SLC22A24: variants seen among roughly 807,000 people sequenced by gnomAD.
SLC22A24 encodes solute carrier family 22 member 24, also known as steroid transmembrane transporter SLC22A24.
SLC22A24 carries 53 observed loss-of-function variants against 49.8 expected under a neutral mutation model. The ratio of observed to expected loss-of-function variants is 1.06; its 90% CI spans 0.85 to 1.34. The LOEUF is 1.34. SLC22A24 is among the 40% of genes most tolerant of loss of function. SLC22A24 has a pLI of 0.00. For synonymous variants in SLC22A24, 302 were observed against 256.4 expected (o/e 1.18, Z -1.70); for missense variants, 786 against 675.9 (o/e 1.16, Z -1.81).
chr11:63,089,694 G>A (rs2087006776), intron 6 of SLC22A24, among the ~76,000 whole-genome samples: 1 of 152,106 alleles, frequency 6.6e-6, no homozygotes, highest in Admixed American at 6.5e-5. Flanking sequence ...AAGGGATGGA[G>A]GAAGATTTAT....
chr11:63,093,985 T>TAA (rs34652388), intron 6 of SLC22A24, among the ~76,000 whole-genome samples: 11 of 151,302 alleles, frequency 7.3e-5, no homozygotes, highest in South Asian at 2.1e-4. Context: ...TTCCTGTATT[T>TAA]AAAAAAAAAT....
intron 1 of SLC22A24, among the ~76,000 whole-genome samples, chr11:63,136,691 G>GT: frequency 6.6e-6 from 1 of 152,328 alleles, no homozygotes; most frequent in Middle Eastern, 3.4e-3. Flanking sequence ...TGGACAAGGT[G>GT]TCTCACCCTT....
chr11:63,098,049 C>G (rs112545435), intron 5 of SLC22A24, among the ~76,000 whole-genome samples: 5,919 of 152,212 alleles, frequency 0.039, 167 homozygotes, highest in Non-Finnish European at 0.063. Flanking sequence ...AACAAACCTG[C>G]ATGTTCTACA....
At position 63,121,431 on chromosome 11, in the gene SLC22A24, T is replaced by A. The variant is rs140726297; in HGVS notation, c.507-2096A>T. 2.0e-5 allele frequency among the ~76,000 whole-genome samples: 3 copies of A among 152,142 alleles called. No individual in the cohort carries two copies. In the East Asian group the frequency reaches 5.8e-4, roughly 29 times the overall value. ...GGAAATGAGAATAGGAAAAAATTGT[T>A]GGGGGATCACTATGAAGAACTATGA... On this transcript the variant is annotated intron_variant, in intron 2 of 9. Transcript: ENST00000612278.
intron 2 of SLC22A24, among the ~76,000 whole-genome samples, chr11:63,123,483 GC>G (rs1246516325): frequency 1.3e-5 from 2 of 151,988 alleles, no homozygotes; most frequent in East Asian, 3.9e-4. Flanking sequence ...ATTGTCTCTA[GC>G]TTTGACCTCT....
chr11:63,143,595 T>C lies in SLC22A24; in HGVS notation c.185A>G (p.Asn62Ser), dbSNP rs1446264442. 1 of 1,574,156 alleles carries C rather than the reference T, an allele frequency of 6.4e-7. No individual in the cohort carries two copies. The highest frequency in any genetic ancestry group is 8.6e-7 in the Non-Finnish European group (1 of 1,161,304). The change falls in exon 1 of 10, where the codon AAT becomes AGT. Residue 62 changes from asparagine to serine, a missense_variant. Asn to Ser is a conservative substitution (Grantham distance 46). Coordinates refer to ENST00000612278, the MANE Select transcript of SLC22A24 (RefSeq NM_001136506.2). ...ATCCTTGCTGAGGGTCCCGGTATCA[T>C]TGTCAGACACAGTGTCATTGTCCAG... ...PLLDNDTVSD[N>S]DTGTLSKDDL...
At chr11:63,099,519 C>G (rs955224667) in intron 5 of SLC22A24, among the ~76,000 whole-genome samples, 3 of 151,072 alleles carry the variant, frequency 2.0e-5, no homozygotes, top group African/African-American at 7.3e-5. Context: ...AGTACTAATC[C>G]TACTCAAACT....
intron 1 of SLC22A24, among the ~76,000 whole-genome samples, chr11:63,136,257 C>G (rs1489648653): frequency 1.3e-5 from 2 of 152,176 alleles, no homozygotes; most frequent in African/African-American, 4.8e-5. Flanking sequence ...AAAAAAAGGT[C>G]ATGGTCACTG....
chr11:63,096,714 G>C (rs548297185), intron 5 of SLC22A24, among the ~76,000 whole-genome samples: 5 of 152,158 alleles, frequency 3.3e-5, no homozygotes, highest in Non-Finnish European at 7.4e-5. Context: ...AGAAGTGAAG[G>C]CAAGGAAAAA....
chr11:63,093,586 G>A (rs951634627), intron 6 of SLC22A24, among the ~76,000 whole-genome samples: 1 of 152,064 alleles, frequency 6.6e-6, no homozygotes, highest in Non-Finnish European at 1.5e-5. Flanking sequence ...GCAAACTAAT[G>A]CAGAAACAGA....
intron 4 of SLC22A24, among the ~76,000 whole-genome samples, chr11:63,112,796 G>T (rs1240007467): frequency 6.6e-6 from 1 of 151,512 alleles, no homozygotes; most frequent in East Asian, 1.9e-4. Context: ...GGTGGATCAC[G>T]AGGTCAGGAG....
In SLC22A24 at chr11:63,083,394, G is replaced by A. The variant is rs766178545; in HGVS notation, c.1134C>T (p.Val378=). 1.3e-6 allele frequency: 2 copies of A among 1,551,558 alleles called. No individual in the cohort carries two copies. The highest frequency in any genetic ancestry group is 2.7e-5 in the African/African-American group (2 of 73,058). The change falls in exon 7 of 10, where the codon GTC becomes GTT. Residue 378 remains valine, a synonymous_variant. Coordinates refer to ENST00000612278, the MANE Select transcript of SLC22A24 (RefSeq NM_001136506.2). ...CTCCACAGAGAATCTGGAACAGGGA[G>A]ACATTGCTCCCTAAGTGCTGCAAGT... ...ILNLQHLGSN[V]SLFQILCGAV... is the part of the protein sequence containing the mutation.
chr11:63,114,676 C>T (rs571528306), intron 4 of SLC22A24, among the ~76,000 whole-genome samples: 125 of 152,316 alleles, frequency 8.2e-4, no homozygotes, highest in African/African-American at 2.8e-3. Context: ...GCTCTGTTTT[C>T]TCCCCATCTT....
At chr11:63,101,244 T>A (rs1369738947) in intron 5 of SLC22A24, among the ~76,000 whole-genome samples, 1 of 151,970 alleles carries the variant, frequency 6.6e-6, no homozygotes, top group Non-Finnish European at 1.5e-5. Flanking sequence ...ACGGCAAATA[T>A]TTTGGAGGTT....
At chr11:63,091,106 A>G (rs553460774) in intron 6 of SLC22A24, among the ~76,000 whole-genome samples, 32 of 152,354 alleles carry the variant, frequency 2.1e-4, no homozygotes, top group South Asian at 8.3e-4. Flanking sequence ...ACAAACTACC[A>G]TCAAAGAATA....
rs565106562 is a variant in SLC22A24 at position 63,104,745 on chromosome 11, C to A, written c.831-447G>T. On this transcript the variant is annotated intron_variant, in intron 4 of 9. Transcript: ENST00000612278. The stretch of plus-strand genomic sequence containing the variant: ...ATAATAACGGTATGGGAGAAACCAT[C>A]CCTATGATTCAATTATCGCCCACTG... Among the ~76,000 whole-genome samples the A allele has an allele frequency of 4.6e-5, 7 of 152,216 alleles. No homozygotes were observed. In the South Asian group the frequency reaches 1.5e-3, roughly 32 times the overall value.
intron 4 of SLC22A24, among the ~76,000 whole-genome samples, chr11:63,114,738 T>A (rs1049549695): frequency 2.0e-5 from 3 of 152,174 alleles, no homozygotes; most frequent in Non-Finnish European, 2.9e-5. Context: ...CAGATGGGGT[T>A]TTGGTGTGGA....
At position 63,080,015 on chromosome 11, in the gene SLC22A24, T is replaced by G; in HGVS notation, c.1599-15A>C. 6.7e-7 allele frequency: 1 copy of G among 1,494,708 alleles called. No homozygotes were observed. Among genetic ancestry groups the G allele is most frequent in the Non-Finnish European group, 9.1e-7 (1 of 1,095,934 alleles). The allele number at this position is 1,494,708 out of a possible 1,614,324, so 92.6% of individuals were successfully genotyped here. ...AATCTTTTCTGCTGAGAAATAGAAA[T>G]GCAAACAAAAACAAGATTAAGAAAC... is the stretch of plus-strand genomic sequence containing the variant. On this transcript the variant is annotated splice_polypyrimidine_tract_variant and intron_variant, in intron 9 of 9. Transcript: ENST00000612278.
intron 6 of SLC22A24, 43 bp downstream of exon 6, chr11:63,095,948 G>A (rs1176309264): frequency 2.3e-6 from 3 of 1,324,464 alleles, no homozygotes; most frequent in Admixed American, 4.0e-5. Context: ...ACAGTTTTGT[G>A]TCTCCAATAT....
Sources: allele counts gnomAD v4.1 joint callset (sites outside exome capture counted in the v4.1 genomes callset), GRCh38; gene constraint gnomAD v4.1.1; transcripts MANE v1.5; gene names NCBI Gene and HGNC (gene_info 2026-07-23, HGNC 2026-07-21).